EIF4G1: variants seen among roughly 807,000 people sequenced by gnomAD.
The protein encoded by EIF4G1 is EIF4-gamma.
In EIF4G1, 4 loss-of-function variants were observed where a neutral mutation model predicts 187.8. The ratio of observed to expected loss-of-function variants is 0.02; its 90% CI spans 0.01 to 0.05. EIF4G1 has a LOEUF of 0.05. EIF4G1 is among the 10% of genes least tolerant of loss of function. EIF4G1 has a pLI of 1.00. For missense variants in EIF4G1, 1,647 were observed against 2,081.1 expected (o/e 0.79, Z 4.06); for synonymous variants, 844 against 781.4 (o/e 1.08, Z -1.34).
At chr3:184,320,880 T>C in intron 8 of EIF4G1, 47 bp from the exon 9 acceptor site, 1 of 1,612,972 alleles carries the variant, frequency 6.2e-7, no homozygotes, top group Non-Finnish European at 8.5e-7. Flanking sequence ...TAAAGAAGGG[T>C]TGTGGGACTC....
In EIF4G1 at chr3:184,334,715, G is replaced by A. The variant is rs745864900; in HGVS notation, c.4619-12G>A. 4 of 1,613,980 alleles carry A rather than the reference G, an allele frequency of 2.5e-6. No individual in the cohort carries two copies. Among genetic ancestry groups the A allele is most frequent in the African/African-American group, 1.3e-5 (1 of 74,912 alleles). On this transcript the variant is annotated splice_polypyrimidine_tract_variant and intron_variant, in intron 32 of 32. Coordinates refer to ENST00000346169, the MANE Select transcript of EIF4G1 (RefSeq NM_198241.3). This position sits in a 1 kb window ranked among gnomAD's most constrained non-coding sequence, Gnocchi z 5.8. ...GCCAGTCACCTCTAACTGCTGTCCC[G>A]CCTGCTTGCAGACCTGCTGCGGATG...
Position 184,325,182 on chromosome 3 carries a change from TG to T in EIF4G1, c.2856+72del. 6.2e-7 allele frequency: 1 copy of T among 1,600,554 alleles called. No individual in the cohort carries two copies. Among genetic ancestry groups the T allele is most frequent in the Non-Finnish European group, 8.6e-7 (1 of 1,167,858 alleles). On this transcript the variant is annotated intron_variant, in intron 18 of 32. Coordinates refer to ENST00000346169, the MANE Select transcript of EIF4G1 (RefSeq NM_198241.3). This position sits in a 1 kb window ranked among gnomAD's most constrained non-coding sequence, Gnocchi z 5.2. ...GTGGGGCTCACTGAGCCCACAATGA[TG>T]GGGCGGAAGGCCTGAGGAGGGGTGG...
rs1724211022 is a variant in EIF4G1 at position 184,323,193 on chromosome 3, C to T, written c.2040C>T (p.Thr680=). Residue 680 remains threonine, a synonymous_variant, in exon 14 of 33, where the codon ACC becomes ACT. Transcript: ENST00000346169. The surrounding 1 kb of genome is among the most constrained non-coding windows in gnomAD (Gnocchi z 6.9). The part of the protein sequence containing the change: ...FANLGRTTLS[T]RGPPRGGPGG... The stretch of plus-strand genomic sequence containing the variant: ...ACCTTGGCCGGACAACCCTTAGCAC[C>T]CGTGGGCCCCCAAGGGGTGGGCCAG... The T allele has an allele frequency of 6.2e-7, 1 of 1,614,194 alleles. No individual in the cohort carries two copies. The highest frequency in any genetic ancestry group is 1.1e-5 in the South Asian group (1 of 91,090).
intron 1 of EIF4G1, 97 bp from the exon 2 acceptor site, chr3:184,315,392 G>C (rs767270820): frequency 1.9e-6 from 1 of 529,896 alleles, no homozygotes; most frequent in Non-Finnish European, 3.7e-6. Context: ...CTCCGTTCGT[G>C]ATCCGGGAGC....
Position 184,319,779 on chromosome 3 carries a change from C to T in EIF4G1, c.515C>T (p.Ala172Val), listed in dbSNP as rs1396452515. 2 of 1,604,940 alleles carry T rather than the reference C, an allele frequency of 1.2e-6. No homozygotes were observed. Among genetic ancestry groups the T allele is most frequent in the Admixed American group, 1.7e-5 (1 of 58,486 alleles). The change falls in exon 7 of 33, where the codon GCT becomes GTT. Residue 172 changes from alanine to valine, a missense_variant. This residue lies in a region of EIF4G1 where 139 missense variants were observed against 187.3 expected (regional missense o/e 0.74). Coordinates refer to ENST00000346169, the MANE Select transcript of EIF4G1 (RefSeq NM_198241.3). Reference sequence around the variant, plus strand: ...TTGATGAACCAGCCACCCCAGATTGCTCCCAAGAGGGAGCGTAAGACGGTG... The same window carrying T: ...TTGATGAACCAGCCACCCCAGATTGTTCCCAAGAGGGAGCGTAAGACGGTG... ...PVLMNQPPQI[A>V]PKRERKTIRI...
chr3:184,334,876 C>A lies in EIF4G1; in HGVS notation c.4768C>A (p.Arg1590Ser), dbSNP rs543783675. 2.5e-6 allele frequency: 4 copies of A among 1,614,156 alleles called. No individual in the cohort carries two copies. The South Asian group carries it at 4.4e-5, about 18-fold the overall frequency. Residue 1590 changes from arginine to serine, a missense_variant, in exon 33 of 33, where the codon CGT becomes AGT. Coordinates refer to ENST00000346169, the MANE Select transcript of EIF4G1 (RefSeq NM_198241.3). This position sits in a 1 kb window ranked among gnomAD's most constrained non-coding sequence, Gnocchi z 5.8. ...KSVTAFFKWL[R>S]EAEEESDHN is the part of the protein sequence containing the mutation. Reference sequence around the variant, plus strand: ...TGTCACAGCCTTCTTCAAGTGGCTCCGTGAAGCAGAGGAGGAGTCTGACCA... The same window carrying A: ...TGTCACAGCCTTCTTCAAGTGGCTCAGTGAAGCAGAGGAGGAGTCTGACCA...
At position 184,323,671 on chromosome 3, in the gene EIF4G1, G is replaced by C; in HGVS notation, c.2274+78G>C. On this transcript the variant is annotated intron_variant, in intron 15 of 32. Coordinates refer to ENST00000346169, the MANE Select transcript of EIF4G1 (RefSeq NM_198241.3). The surrounding 1 kb of genome is among the most constrained non-coding windows in gnomAD (Gnocchi z 6.9). ...ATCTGTGCCCTCTTTGCTTCTTTTT[G>C]TCCTTATCACTAGCATCTGTCATGC... 6.2e-7 allele frequency: 1 copy of C among 1,610,722 alleles called. No individual in the cohort carries two copies. The highest frequency in any genetic ancestry group is 1.1e-5 in the South Asian group (1 of 90,858).
intron 22 of EIF4G1, 124 bp downstream of exon 22, chr3:184,326,753 G>A (rs1226763970): frequency 1.3e-6 from 2 of 1,487,060 alleles, no homozygotes; most frequent in Admixed American, 1.7e-5. Flanking sequence ...GAGGAGGTTT[G>A]TGTTGTGGTT....
At position 184,321,773 on chromosome 3, in the gene EIF4G1, A is replaced by G; in HGVS notation, c.1189A>G (p.Thr397Ala). The change falls in exon 10 of 33, where the codon ACT becomes GCT. Residue 397 changes from threonine to alanine, a missense_variant. Coordinates refer to ENST00000346169, the MANE Select transcript of EIF4G1 (RefSeq NM_198241.3). ...CGAATCCCCTGTGCCCATTGCTCCAACTGCCCAACCTGAGGAACTGCTCAA... is the reference window on the plus strand; with the variant it reads ...CGAATCCCCTGTGCCCATTGCTCCAGCTGCCCAACCTGAGGAACTGCTCAA... ...PSESPVPIAPTAQPEELLNGA... is the reference protein window; with the variant it reads ...PSESPVPIAPAAQPEELLNGA... The G allele has an allele frequency of 6.2e-7, 1 of 1,609,340 alleles. No individual in the cohort carries two copies. Among genetic ancestry groups the G allele is most frequent in the Non-Finnish European group, 8.5e-7 (1 of 1,176,280 alleles).
rs1256285480 is a variant in EIF4G1, at chr3:184,328,924, T to A, written c.4095T>A (p.Pro1365=). 1.2e-6 allele frequency: 2 copies of A among 1,614,060 alleles called. No homozygotes were observed. Among genetic ancestry groups the A allele is most frequent in the African/African-American group, 2.7e-5 (2 of 74,916 alleles). ...MGELFREITK[P]LRPLGKAASL... ...CTTCTTGTAGGGAGATTACAAAGCC[T>A]CTGAGACCGTTGGGCAAAGCTGCTT... The change falls in exon 28 of 33, where the codon CCT becomes CCA. Residue 1365 remains proline (P), a synonymous_variant. Coordinates refer to ENST00000346169, the MANE Select transcript of EIF4G1 (RefSeq NM_198241.3).
In EIF4G1 at chr3:184,323,301, C is replaced by T. The variant is rs1724228116; in HGVS notation, c.2088+60C>T. 2 of 1,612,202 alleles carry T rather than the reference C, an allele frequency of 1.2e-6. No homozygotes were observed. Among genetic ancestry groups the T allele is most frequent in the Non-Finnish European group, 1.7e-6 (2 of 1,178,570 alleles). On this transcript the variant is annotated intron_variant, in intron 14 of 32. Coordinates refer to ENST00000346169, the MANE Select transcript of EIF4G1 (RefSeq NM_198241.3). This position sits in a 1 kb window ranked among gnomAD's most constrained non-coding sequence, Gnocchi z 6.9. Reference sequence around the variant, plus strand: ...GGAGTGGGAGTGGATGATTCCGTGTCTCAGTGCCCGCGGGGAGGGGTTTGC... The same window carrying T: ...GGAGTGGGAGTGGATGATTCCGTGTTTCAGTGCCCGCGGGGAGGGGTTTGC...
At chr3:184,324,464 C>T in intron 17 of EIF4G1, 117 bp downstream of exon 17, 1 of 1,507,370 alleles carries the variant, frequency 6.6e-7, no homozygotes, top group Non-Finnish European at 9.1e-7. Context: ...TTCTCTGGCT[C>T]AGGACGTTTT....
Position 184,325,983 on chromosome 3 carries a change from C to G in EIF4G1, c.3222+32C>G, listed in dbSNP as rs778743138. On this transcript the variant is annotated intron_variant, in intron 21 of 32. Transcript: ENST00000346169. This position sits in a 1 kb window ranked among gnomAD's most constrained non-coding sequence, Gnocchi z 5.2. ...GTGTGTGTGGGAGTGGGTGATTCAG[C>G]TCAGGTTTAGATCTTAGTCCCTTCA... The G allele has an allele frequency of 1.9e-6, 3 of 1,605,838 alleles. No homozygotes were observed. Among genetic ancestry groups the G allele is most frequent in the Non-Finnish European group, 2.6e-6 (3 of 1,172,568 alleles).
rs1160887302 is a variant in EIF4G1 at position 184,319,934 on chromosome 3, T to TG, written c.537+135dup. ...GAGAGTGGGCAGAGAATGGTGTCTGTGGAGGGCTCAGGTTCTTTGTAAGAT... is the reference window on the plus strand; with the variant it reads ...GAGAGTGGGCAGAGAATGGTGTCTGTGGGAGGGCTCAGGTTCTTTGTAAGAT... On this transcript the variant is annotated intron_variant, in intron 7 of 32. Coordinates refer to ENST00000346169, the MANE Select transcript of EIF4G1 (RefSeq NM_198241.3). 5 of 729,496 alleles carry TG rather than the reference T, an allele frequency of 6.9e-6. No homozygotes were observed. The African/African-American group carries it at 8.7e-5, about 13-fold the overall frequency. 45.2% of individuals were successfully genotyped at this position (729,496 alleles called of 1,614,324 possible).
chr3:184,326,612 C>T lies in EIF4G1; in HGVS notation c.3308C>T (p.Ala1103Val). 6.2e-7 allele frequency: 1 copy of T among 1,610,752 alleles called. No individual in the cohort carries two copies. The highest frequency in any genetic ancestry group is 8.5e-7 in the Non-Finnish European group (1 of 1,180,008). ...AAGGGCAGCAGCGGAGGCTCAGGAG[C>T]CAAGCCCTCAGACGCAGGTATGGAG... is the stretch of plus-strand genomic sequence containing the variant. ...WGKGSSGGSG[A>V]KPSDAASEAA... is the part of the protein sequence containing the mutation. The change falls in exon 22 of 33, where the codon GCC becomes GTC. Residue 1103 changes from alanine (A) to valine (V), a missense_variant. Transcript: ENST00000346169.
At chr3:184,322,173 G>A (rs892626065) in intron 10 of EIF4G1, 70 bp downstream of exon 10, 6 of 1,606,440 alleles carry the variant, frequency 3.7e-6, no homozygotes, top group Non-Finnish European at 5.1e-6. Context: ...CTTGATGACC[G>A]CCCATTTTTG....
Position 184,327,311 on chromosome 3 carries a change from A to T in EIF4G1, c.3524A>T (p.Asp1175Val). 6.2e-7 allele frequency: 1 copy of T among 1,613,790 alleles called. No homozygotes were observed. Among genetic ancestry groups the T allele is most frequent in the Non-Finnish European group, 8.5e-7 (1 of 1,180,022 alleles). Residue 1175 changes from aspartate to valine, a missense_variant, in exon 24 of 33, where the codon GAT (aspartate) becomes GTT (valine). Transcript: ENST00000346169. ...ERGGDRGDRL[D>V]RARTPATKRS... The stretch of plus-strand genomic sequence containing the variant: ...GGAGGGGACCGTGGGGACCGGCTTG[A>T]TCGTGCGCGGACACCTGCTACCAAG...
intron 1 of EIF4G1, chr3:184,315,019 C>CA: frequency 5.2e-6 from 1 of 191,790 alleles, no homozygotes; most frequent in Admixed American, 6.3e-5. Flanking sequence ...CCGCCGCCCC[C>CA]TCCCCCCTTC....
intron 26 of EIF4G1, chr3:184,328,389 CAAAA>C (rs556618825): frequency 1.1e-5 from 6 of 524,976 alleles, no homozygotes; most frequent in African/African-American, 2.0e-5. Flanking sequence ...AAAACTGTCT[CAAAA>C]AAAAAACCAA....
Sources: gnomAD v4.1 joint callset for allele counts on GRCh38, gnomAD v4.1.1 for gene constraint, gnomAD v4.1.1 regional missense constraint, Gnocchi (gnomAD v3.1) non-coding constraint, MANE v1.5 for transcripts, NCBI Gene and HGNC (gene_info 2026-07-23, HGNC 2026-07-21) for gene names.